The following PVT1 variants were observed in gnomAD, a reference collection of about 807,000 sequenced individuals.
The protein encoded by PVT1 is Pvt1 oncogene.
chr8:127,963,415 C>A (rs546639321), intron 3 of PVT1, among the ~76,000 whole-genome samples: 3 of 152,298 alleles, frequency 2.0e-5, no homozygotes, highest in African/African-American at 4.8e-5. Context: ...GTTGTTTACA[C>A]TAGCGTTGTT....
chr8:127,850,998 CTCTG>C (rs143821622), intron 2 of PVT1, among the ~76,000 whole-genome samples: 6,526 of 148,902 alleles, frequency 0.044, 510 homozygotes, highest in African/African-American at 0.16. Flanking sequence ...TAGAGGGAGA[CTCTG>C]TCTCAAAAAA....
chr8:127,814,568 G>T (rs969736379), intron 2 of PVT1, among the ~76,000 whole-genome samples: 1 of 152,204 alleles, frequency 6.6e-6, no homozygotes, highest in Non-Finnish European at 1.5e-5. Flanking sequence ...CAAACCCTTT[G>T]AGGGGACTGA....
At chr8:128,089,336 AG>A (rs1814318239) in intron 5 of PVT1, among the ~76,000 whole-genome samples, 1 of 152,100 alleles carries the variant, frequency 6.6e-6, no homozygotes, top group African/African-American at 2.4e-5. Flanking sequence ...CCTAATGTGA[AG>A]GAAGGGGCAG....
At chr8:127,803,850 A>G (rs995769043) in intron 2 of PVT1, among the ~76,000 whole-genome samples, 3 of 151,874 alleles carry the variant, frequency 2.0e-5, no homozygotes, top group African/African-American at 7.3e-5. Context: ...CCTTCCGAGT[A>G]GCTGGAGTTA....
At chr8:127,823,493 T>C (rs1270745646) in intron 2 of PVT1, among the ~76,000 whole-genome samples, 1 of 152,234 alleles carries the variant, frequency 6.6e-6, no homozygotes, top group Non-Finnish European at 1.5e-5. Flanking sequence ...CTGCCCTTTT[T>C]CTGCCTGTCC....
intron 5 of PVT1, among the ~76,000 whole-genome samples, chr8:128,086,823 T>G (rs2648894): frequency 0.23 from 35,451 of 152,168 alleles, 5,704 homozygotes; most frequent in African/African-American, 0.45. Context: ...TATTGTCCCT[T>G]GGGCTGCATG....
At chr8:127,967,854 T>C (rs1816720472) in intron 3 of PVT1, among the ~76,000 whole-genome samples, 1 of 152,230 alleles carries the variant, frequency 6.6e-6, no homozygotes, top group African/African-American at 2.4e-5. Flanking sequence ...ACACACAGGC[T>C]CCCTTTACAG....
chr8:127,929,761 C>A (rs1816180841), intron 3 of PVT1, among the ~76,000 whole-genome samples: 1 of 151,300 alleles, frequency 6.6e-6, no homozygotes, highest in African/African-American at 2.4e-5. Flanking sequence ...GAGCGAGACT[C>A]CGTCTCAAAA....
At chr8:127,804,398 C>T (rs564310700) in intron 2 of PVT1, among the ~76,000 whole-genome samples, 22 of 152,080 alleles carry the variant, frequency 1.4e-4, no homozygotes, top group African/African-American at 4.3e-4. Context: ...CTTTAACTCC[C>T]GGCTTCAAGT....
chr8:127,802,962 G>A (rs1284599495), intron 2 of PVT1, among the ~76,000 whole-genome samples: 1 of 152,028 alleles, frequency 6.6e-6, no homozygotes, highest in Non-Finnish European at 1.5e-5. Context: ...TGACAGCAGT[G>A]GGCTGGCAGT....
intron 2 of PVT1, chr8:127,852,008 T>C (rs1350832291): frequency 2.6e-5 from 4 of 152,248 alleles, no homozygotes; most frequent in South Asian, 2.1e-4. Context: ...GCCAGCACTT[T>C]ACAAGGGTGA....
At chr8:128,027,724 A>C (rs1385863768) in intron 4 of PVT1, among the ~76,000 whole-genome samples, 1 of 152,152 alleles carries the variant, frequency 6.6e-6, no homozygotes, top group Non-Finnish European at 1.5e-5. Context: ...GCCCCCAGCT[A>C]GGTTCTCAGC....
At chr8:127,933,040 A>G (rs1308378745) in intron 3 of PVT1, among the ~76,000 whole-genome samples, 1 of 152,220 alleles carries the variant, frequency 6.6e-6, no homozygotes, top group Non-Finnish European at 1.5e-5. Flanking sequence ...GCCCTTTTAT[A>G]GATGGGAATT....
intron 2 of PVT1, among the ~76,000 whole-genome samples, chr8:127,874,168 A>G (rs1815380628): frequency 6.6e-6 from 1 of 152,178 alleles, no homozygotes; most frequent in Admixed American, 6.5e-5. Context: ...GTGCAGTGCT[A>G]GAGTGAATGA....
chr8:127,912,702 C>T (rs1320414698), intron 3 of PVT1, among the ~76,000 whole-genome samples: 2 of 144,636 alleles, frequency 1.4e-5, no homozygotes, highest in South Asian at 2.2e-4. Flanking sequence ...TCCCTCCCTT[C>T]TTTTTTTTTT....
chr8:127,928,930 C>T (rs967224848), intron 3 of PVT1, among the ~76,000 whole-genome samples: 1 of 152,200 alleles, frequency 6.6e-6, no homozygotes, highest in Non-Finnish European at 1.5e-5. Context: ...CAGGAAAGAT[C>T]GCTGTGTTTG....
chr8:127,864,774 T>C (rs1586412537), intron 2 of PVT1, among the ~76,000 whole-genome samples: 1 of 152,126 alleles, frequency 6.6e-6, no homozygotes, highest in African/African-American at 2.4e-5. Flanking sequence ...GGTCTCGATC[T>C]CCTGACCTCG....
chr8:128,027,261 A>C (rs1813314587), intron 4 of PVT1, among the ~76,000 whole-genome samples: 2 of 152,194 alleles, frequency 1.3e-5, no homozygotes, highest in Non-Finnish European at 2.9e-5. Flanking sequence ...CGGCAGCACT[A>C]ACAGTGGCTC....
Position 127,960,577 on chromosome 8 carries a change from G to A in PVT1, n.783-28585G>A, listed in dbSNP as rs1035426493. On this transcript the variant is annotated intron_variant and non_coding_transcript_variant, in intron 3 of 10. Transcript: ENST00000651587. ...GATCTTTGTGGCCTTCTGGATGGAT[G>A]CACCACGATAGGGAAATCAGCAAGC... The A allele has an allele frequency of 7.2e-5, 31 of 428,124 alleles. No individual in the cohort carries two copies. In the East Asian group the frequency reaches 2.0e-3, roughly 28 times the overall value. The allele number at this position is 428,124 out of a possible 1,614,324, so 26.5% of individuals were successfully genotyped here. A position where few individuals can be genotyped will look rare whatever the true frequency, so the allele number is the denominator to read the frequency against.
Sources: gnomAD v4.1 joint callset for allele counts (sites outside exome capture counted in the v4.1 genomes callset) on GRCh38, gnomAD v4.1.1 for gene constraint, MANE v1.5 for transcripts, NCBI Gene and HGNC (gene_info 2026-07-23, HGNC 2026-07-21) for gene names.